The following NXPH1 variants were observed in gnomAD, a reference collection of about 807,000 sequenced individuals.
NXPH1 encodes neurexophilin-1.
NXPH1 carries 5 observed loss-of-function variants against 23.7 expected under a neutral mutation model. The observed-to-expected ratio is 0.21, with a 90% CI of 0.11 to 0.44. The LOEUF (loss-of-function observed/expected upper bound fraction) is 0.44. NXPH1 is among the 20% of genes least tolerant of loss of function. NXPH1 has a pLI of 0.99. For missense variants in NXPH1, 324 were observed against 321.6 expected (o/e 1.01, Z -0.06); for synonymous variants, 144 against 122.2 (o/e 1.18, Z -1.18).
At chr7:8,750,877 T>C (rs1780551823) in intron 2 of NXPH1, 131 bp from the exon 3 acceptor site, 1 of 837,172 alleles carries the variant, frequency 1.2e-6, no homozygotes, top group African/African-American at 1.7e-5. Context: ...TGGGTGTTCT[T>C]CTCAGATGCG....
intron 2 of NXPH1, among the ~76,000 whole-genome samples, chr7:8,618,131 G>A (rs1488891434): frequency 6.6e-6 from 1 of 152,092 alleles, no homozygotes; most frequent in Non-Finnish European, 1.5e-5. Context: ...TATGATTTCT[G>A]TCCAACCTAC....
At position 8,532,921 on chromosome 7, in the gene NXPH1, AT is replaced by A. The variant is rs1358746810; in HGVS notation, c.54+97157del. Among the ~76,000 whole-genome samples, 6 of 152,256 alleles carry A rather than the reference AT, an allele frequency of 3.9e-5. No homozygotes were observed. The East Asian group carries it at 7.7e-4, about 20-fold the overall frequency. ...GTAAATGAGGCAATGTATGTTAAAC[AT>A]TTAGCTTAGAGCCTGATAAATAGTG... On this transcript the variant is annotated intron_variant, in intron 2 of 2. Coordinates refer to ENST00000405863, the MANE Select transcript of NXPH1 (RefSeq NM_152745.3).
At chr7:8,475,980 T>A (rs1408487231) in intron 2 of NXPH1, among the ~76,000 whole-genome samples, 1 of 152,170 alleles carries the variant, frequency 6.6e-6, no homozygotes, top group Non-Finnish European at 1.5e-5. Flanking sequence ...GGAATATTTT[T>A]GTTTATTTTT....
intron 2 of NXPH1, among the ~76,000 whole-genome samples, chr7:8,701,741 TAGTC>T (rs1779626084): frequency 6.6e-6 from 1 of 152,102 alleles, no homozygotes; most frequent in Admixed American, 6.6e-5. Context: ...GTTACAAAGA[TAGTC>T]AGTAAATATT....
chr7:8,540,904 TA>T lies in NXPH1; in HGVS notation c.54+105141del, dbSNP rs1195672052. Among the ~76,000 whole-genome samples the T allele has an allele frequency of 3.0e-4, 46 of 151,846 alleles. No homozygotes were observed. The East Asian group carries it at 8.0e-3, about 26-fold the overall frequency. On this transcript the variant is annotated intron_variant, in intron 2 of 2. Coordinates refer to ENST00000405863, the MANE Select transcript of NXPH1 (RefSeq NM_152745.3). The stretch of plus-strand genomic sequence containing the variant: ...TGCTCCAGACCTTCCCAACAAATCA[TA>T]AAACCAAAGCCAGAATGAATCAAAC...
chr7:8,539,321 G>A, intron 2 of NXPH1, among the ~76,000 whole-genome samples: 1 of 151,842 alleles, frequency 6.6e-6, no homozygotes, highest in East Asian at 2.0e-4. Flanking sequence ...GCTGCAAGTG[G>A]CTATACTTGG....
chr7:8,552,683 C>T (rs1394033598), intron 2 of NXPH1, among the ~76,000 whole-genome samples: 2 of 151,406 alleles, frequency 1.3e-5, no homozygotes, highest in South Asian at 2.1e-4. Flanking sequence ...CTCTTGGATG[C>T]GAAGGCACAG....
intron 2 of NXPH1, among the ~76,000 whole-genome samples, chr7:8,526,144 C>T (rs913760494): frequency 1.3e-5 from 2 of 152,262 alleles, no homozygotes; most frequent in African/African-American, 4.8e-5. Context: ...CCACTTCTTG[C>T]ATCAGCGTGA....
intron 2 of NXPH1, among the ~76,000 whole-genome samples, chr7:8,621,223 G>T (rs1189452440): frequency 1.3e-5 from 2 of 152,150 alleles, no homozygotes; most frequent in Non-Finnish European, 2.9e-5. Context: ...CACCATGAAA[G>T]AGAGAACTGG....
At chr7:8,515,514 G>A (rs1817673360) in intron 2 of NXPH1, among the ~76,000 whole-genome samples, 1 of 152,112 alleles carries the variant, frequency 6.6e-6, no homozygotes, top group Admixed American at 6.6e-5. Flanking sequence ...TTGGAATCAA[G>A]AAAAGCTTTT....
chr7:8,550,870 A>G (rs1202426727), intron 2 of NXPH1, among the ~76,000 whole-genome samples: 1 of 151,520 alleles, frequency 6.6e-6, no homozygotes, highest in African/African-American at 2.4e-5. Flanking sequence ...TTGTACCATA[A>G]TTTATTCTAC....
intron 2 of NXPH1, among the ~76,000 whole-genome samples, chr7:8,537,089 G>A (rs930403081): frequency 9.2e-5 from 14 of 151,924 alleles, no homozygotes; most frequent in Non-Finnish European, 1.8e-4. Flanking sequence ...TCTGAATTGT[G>A]AACTCCTTCT....
intron 2 of NXPH1, among the ~76,000 whole-genome samples, chr7:8,703,844 C>T (rs573541302): frequency 6.6e-6 from 1 of 152,200 alleles, no homozygotes; most frequent in South Asian, 2.1e-4. Context: ...ACCACCCTCC[C>T]TTTGTTCAAT....
intron 2 of NXPH1, among the ~76,000 whole-genome samples, chr7:8,543,478 A>G (rs185949114): frequency 6.6e-6 from 1 of 151,588 alleles, no homozygotes; most frequent in Non-Finnish European, 1.5e-5. Flanking sequence ...ATACATTATA[A>G]TTACTTGGGG....
chr7:8,560,665 C>G (rs537107521), intron 2 of NXPH1, among the ~76,000 whole-genome samples: 43 of 151,776 alleles, frequency 2.8e-4, no homozygotes, highest in Middle Eastern at 6.8e-3. Flanking sequence ...AACTTCCTTC[C>G]AAGCCATTAG....
intron 2 of NXPH1, among the ~76,000 whole-genome samples, chr7:8,687,244 T>C (rs1821160743): frequency 6.6e-6 from 1 of 152,030 alleles, no homozygotes; most frequent in South Asian, 2.1e-4. Flanking sequence ...GTTTGGGTTG[T>C]AGAGGATTGG....
At chr7:8,452,483 C>T (rs908592420) in intron 2 of NXPH1, among the ~76,000 whole-genome samples, 1 of 152,026 alleles carries the variant, frequency 6.6e-6, no homozygotes, top group Non-Finnish European at 1.5e-5. Context: ...CATTGACAGC[C>T]TTGATTTTTC....
chr7:8,727,748 G>A (rs1279380203), intron 2 of NXPH1, among the ~76,000 whole-genome samples: 2 of 152,150 alleles, frequency 1.3e-5, no homozygotes, highest in Admixed American at 6.6e-5. Context: ...TAGCCTTGTA[G>A]TATAGTTTGA....
intron 2 of NXPH1, among the ~76,000 whole-genome samples, chr7:8,703,191 C>T (rs1458269665): frequency 6.6e-6 from 1 of 152,094 alleles, no homozygotes; most frequent in East Asian, 1.9e-4. Flanking sequence ...CAAAGCAGTG[C>T]CTCTTCTCAG....
Sources: allele counts gnomAD v4.1 joint callset (sites outside exome capture counted in the v4.1 genomes callset), GRCh38; gene constraint gnomAD v4.1.1; transcripts MANE v1.5; gene names NCBI Gene and HGNC (gene_info 2026-07-23, HGNC 2026-07-21).